Variants in ATP9B observed in about 807,000 individuals in gnomAD.
ATP9B encodes the protein probable phospholipid-transporting ATPase IIB.
ATP9B carries 110 observed loss-of-function variants against 146.1 expected under a neutral mutation model. That is an observed-to-expected ratio of 0.75 (90% CI 0.65 to 0.88). The LOEUF (loss-of-function observed/expected upper bound fraction) is 0.88. ATP9B is among the 40% of genes least tolerant of loss of function. The pLI is 0.00. For missense variants in ATP9B, 1,499 were observed against 1,496.4 expected, an observed-to-expected ratio of 1.00 and a Z score of -0.03; for synonymous variants, 604 against 569.7, an observed-to-expected ratio of 1.06 and a Z score of -0.86.
chr18:79,175,926 A>G (rs765209320), intron 7 of ATP9B, among the ~76,000 whole-genome samples: 1 of 152,226 alleles, frequency 6.6e-6, no homozygotes, highest in African/African-American at 2.4e-5. Context: ...AGAGATCTGT[A>G]TGGACGTATA....
chr18:79,346,554 C>T (rs4799047), intron 23 of ATP9B, among the ~76,000 whole-genome samples: 12 of 106,914 alleles, frequency 1.1e-4, no homozygotes, highest in Admixed American at 9.9e-5. Context: ...GGCACACACT[C>T]GGTCAGCGCA....
chr18:79,360,740 A>T (rs894305621), intron 26 of ATP9B: 1 of 152,378 alleles, frequency 6.6e-6, no homozygotes, highest in South Asian at 2.1e-4. Flanking sequence ...AAATAAAGCT[A>T]GTTCACCAGT....
chr18:79,244,578 G>A (rs1276434445), intron 11 of ATP9B, among the ~76,000 whole-genome samples: 1 of 152,042 alleles, frequency 6.6e-6, no homozygotes. Flanking sequence ...AATAGAATCT[G>A]ATGACATTTT....
At chr18:79,328,000 G>A (rs930399353) in intron 15 of ATP9B, among the ~76,000 whole-genome samples, 2 of 141,726 alleles carry the variant, frequency 1.4e-5, no homozygotes, top group African/African-American at 2.6e-5. Flanking sequence ...CGTGCTCTCC[G>A]TGGTTAGCGT....
intron 11 of ATP9B, among the ~76,000 whole-genome samples, chr18:79,246,476 T>C (rs1198164881): frequency 6.6e-6 from 1 of 152,260 alleles, no homozygotes; most frequent in African/African-American, 2.4e-5. Flanking sequence ...ATGCCAGATT[T>C]TTATTCAGGG....
rs779899876 is a variant in ATP9B, at chr18:79,260,715, C to T, written c.1268+7174C>T. Reference sequence around the variant, plus strand: ...GCTTGATAGAGCTACTGGCTGCAAGCATGTGCTCCCTTTCAGAAAGAGGAA... The same window carrying T: ...GCTTGATAGAGCTACTGGCTGCAAGTATGTGCTCCCTTTCAGAAAGAGGAA... On this transcript the variant is annotated intron_variant, in intron 12 of 29. Transcript: ENST00000426216. Among the ~76,000 whole-genome samples the T allele has an allele frequency of 1.9e-3, 297 of 152,362 alleles. 4 individuals are homozygous for T. Among genetic ancestry groups the T allele is most frequent in the Non-Finnish European group, 3.8e-3 (258 of 68,038 alleles).
intron 11 of ATP9B, among the ~76,000 whole-genome samples, chr18:79,234,166 G>A (rs999356736): frequency 6.6e-6 from 1 of 152,220 alleles, no homozygotes; most frequent in Non-Finnish European, 1.5e-5. Context: ...GGAAGGTTCT[G>A]ATTAGACTGG....
At chr18:79,321,399 T>G (rs75339995) in intron 15 of ATP9B, among the ~76,000 whole-genome samples, 3 of 151,436 alleles carry the variant, frequency 2.0e-5, no homozygotes, top group Non-Finnish European at 4.4e-5. Context: ...TTTTTTTTTT[T>G]TGAGGCAGAG....
intron 2 of ATP9B, among the ~76,000 whole-genome samples, chr18:79,098,568 C>T (rs1368391002): frequency 6.6e-6 from 1 of 151,622 alleles, no homozygotes; most frequent in African/African-American, 2.4e-5. Flanking sequence ...AAAAAGTGGG[C>T]GAAGGACATG....
intron 15 of ATP9B, among the ~76,000 whole-genome samples, chr18:79,309,580 AGTGAT>A (rs1438333529): frequency 7.2e-6 from 1 of 139,182 alleles, no homozygotes; most frequent in African/African-American, 2.7e-5. Flanking sequence ...GGGGCTGAGG[AGTGAT>A]CCCCAGCAGG....
chr18:79,101,289 A>G (rs992044379), intron 2 of ATP9B, among the ~76,000 whole-genome samples: 2 of 152,122 alleles, frequency 1.3e-5, no homozygotes, highest in African/African-American at 2.4e-5. Context: ...CAAGAATGTT[A>G]CATAACTGAA....
At chr18:79,233,984 T>C (rs1394168263) in intron 11 of ATP9B, among the ~76,000 whole-genome samples, 1 of 152,190 alleles carries the variant, frequency 6.6e-6, no homozygotes, top group African/African-American at 2.4e-5. Flanking sequence ...GTCTTCCAAT[T>C]GAGTAGGCTG....
intron 7 of ATP9B, among the ~76,000 whole-genome samples, chr18:79,160,529 T>C (rs2094862011): frequency 6.6e-6 from 1 of 152,248 alleles, no homozygotes; most frequent in African/African-American, 2.4e-5. Context: ...GTGATAGAAA[T>C]ATGTGGAAGA....
intron 26 of ATP9B, chr18:79,363,358 G>GCGTAAACAGATGTTCCTGGATTGAGAGA (rs2097001874): frequency 3.9e-4 from 2 of 5,104 alleles, no homozygotes; most frequent in African/African-American, 2.2e-3. Flanking sequence ...ACTGTAAAAG[G>GCGTAAACAGATGTTCCTGGATTGAGAGA]CGTAAACAGA....
chr18:79,216,598 T>C (rs2095629074), intron 11 of ATP9B, among the ~76,000 whole-genome samples: 1 of 152,226 alleles, frequency 6.6e-6, no homozygotes, highest in Admixed American at 6.5e-5. Flanking sequence ...ATTTTGTAAC[T>C]AGTTTGTGCA....
intron 7 of ATP9B, among the ~76,000 whole-genome samples, chr18:79,169,793 T>C (rs2095041499): frequency 1.3e-5 from 2 of 152,198 alleles, no homozygotes; most frequent in African/African-American, 4.8e-5. Flanking sequence ...GAATGGTTCC[T>C]GAATGCTGAA....
At chr18:79,262,948 G>A (rs1043761259) in intron 12 of ATP9B, among the ~76,000 whole-genome samples, 50 of 152,204 alleles carry the variant, frequency 3.3e-4, no homozygotes, top group African/African-American at 1.2e-3. Flanking sequence ...AATAATCACT[G>A]TCTTGGCTTT....
At chr18:79,075,875 A>G (rs761094872) in intron 1 of ATP9B, among the ~76,000 whole-genome samples, 87 of 152,106 alleles carry the variant, frequency 5.7e-4, no homozygotes, top group Non-Finnish European at 1.2e-3. Context: ...TTATGCTTCA[A>G]CATTTTTTAG....
chr18:79,142,852 C>T (rs1281254132), intron 5 of ATP9B, among the ~76,000 whole-genome samples: 3 of 152,126 alleles, frequency 2.0e-5, no homozygotes, highest in Non-Finnish European at 4.4e-5. Flanking sequence ...TTGGGAAATA[C>T]GATCTTTTAA....
Sources: gnomAD v4.1 joint callset for allele counts (sites outside exome capture counted in the v4.1 genomes callset) on GRCh38, gnomAD v4.1.1 for gene constraint, MANE v1.5 for transcripts, NCBI Gene and HGNC (gene_info 2026-07-23, HGNC 2026-07-21) for gene names.